The following UBE2E2 variants were observed in gnomAD, a reference collection of about 807,000 sequenced individuals.
UBE2E2 encodes ubiquitin-conjugating enzyme E2 E2.
UBE2E2 carries 6 observed loss-of-function variants against 24.7 expected under a neutral mutation model. That is an observed-to-expected ratio of 0.24 (90% CI 0.13 to 0.48). The LOEUF (loss-of-function observed/expected upper bound fraction) is 0.48. UBE2E2 is among the 20% of genes least tolerant of loss of function. The pLI is 0.99. For missense variants in UBE2E2, 169 were observed against 245.0 expected, an observed-to-expected ratio of 0.69 and a Z score of 2.07; for synonymous variants, 104 against 83.6, an observed-to-expected ratio of 1.24 and a Z score of -1.33.
At chr3:23,587,152 G>T (rs1696644582) in intron 5 of UBE2E2, among the ~76,000 whole-genome samples, 1 of 152,162 alleles carries the variant, frequency 6.6e-6, no homozygotes, top group Non-Finnish European at 1.5e-5. Flanking sequence ...AACCTTGAAA[G>T]CAATTAAATG....
chr3:23,579,111 G>A (rs1303581595), intron 5 of UBE2E2, among the ~76,000 whole-genome samples: 1 of 152,132 alleles, frequency 6.6e-6, no homozygotes, highest in African/African-American at 2.4e-5. Flanking sequence ...AAGAAAACTA[G>A]GCAGGGCGTG....
chr3:23,238,957 A>G (rs1697186874), intron 3 of UBE2E2, among the ~76,000 whole-genome samples: 1 of 152,200 alleles, frequency 6.6e-6, no homozygotes, highest in South Asian at 2.1e-4. Context: ...GAGAAAGAAG[A>G]TAGTTTTCTA....
intron 3 of UBE2E2, among the ~76,000 whole-genome samples, chr3:23,277,708 A>G (rs1198062279): frequency 6.6e-6 from 1 of 152,096 alleles, no homozygotes; most frequent in Non-Finnish European, 1.5e-5. Context: ...TTCAGTCACT[A>G]AATGTTTAGT....
At chr3:23,490,443 T>C (rs1243013169) in intron 3 of UBE2E2, among the ~76,000 whole-genome samples, 1 of 152,242 alleles carries the variant, frequency 6.6e-6, no homozygotes, top group Non-Finnish European at 1.5e-5. Flanking sequence ...TTCCCTGTAG[T>C]CTTTCTTCCT....
At chr3:23,316,367 C>T (rs923836589) in intron 3 of UBE2E2, among the ~76,000 whole-genome samples, 1 of 151,954 alleles carries the variant, frequency 6.6e-6, no homozygotes, top group African/African-American at 2.4e-5. Context: ...TTACCCCAGG[C>T]AGAGGAGTCT....
intron 1 of UBE2E2, chr3:23,204,723 T>C (rs1265912636): frequency 1.0e-6 from 1 of 985,340 alleles, no homozygotes; most frequent in Non-Finnish European, 1.2e-6. Flanking sequence ...CCACTGTTAT[T>C]TTCTGCATAA....
intron 3 of UBE2E2, among the ~76,000 whole-genome samples, chr3:23,362,865 A>G (rs1051757875): frequency 9.8e-5 from 15 of 152,316 alleles, no homozygotes; most frequent in African/African-American, 3.6e-4. Context: ...GGTGCAGCCT[A>G]CTGTTGCTTG....
intron 3 of UBE2E2, among the ~76,000 whole-genome samples, chr3:23,341,076 T>C (rs1278198226): frequency 6.6e-6 from 1 of 152,212 alleles, no homozygotes; most frequent in Non-Finnish European, 1.5e-5. Flanking sequence ...AAGAAGTTTA[T>C]GCTCACAGAA....
intron 3 of UBE2E2, among the ~76,000 whole-genome samples, chr3:23,371,995 G>A (rs987746482): frequency 2.6e-5 from 4 of 152,142 alleles, no homozygotes; most frequent in African/African-American, 9.6e-5. Context: ...GTGGACACCT[G>A]TAATCCCAGC....
chr3:23,365,628 G>A (rs1472648602), intron 3 of UBE2E2, among the ~76,000 whole-genome samples: 1 of 152,066 alleles, frequency 6.6e-6, no homozygotes, highest in East Asian at 1.9e-4. Flanking sequence ...GACACAAATG[G>A]AAGAACATTC....
At chr3:23,212,514 A>G (rs1559440675) in intron 2 of UBE2E2, among the ~76,000 whole-genome samples, 1 of 152,106 alleles carries the variant, frequency 6.6e-6, no homozygotes, top group Non-Finnish European at 1.5e-5. Flanking sequence ...TGTGAATTTT[A>G]TATCATATTT....
intron 3 of UBE2E2, among the ~76,000 whole-genome samples, chr3:23,320,271 C>T (rs1694706986): frequency 1.3e-5 from 2 of 152,308 alleles, no homozygotes; most frequent in South Asian, 4.1e-4. Flanking sequence ...TTATTATCTC[C>T]AACTGGATGT....
At chr3:23,370,084 T>C (rs1575590540) in intron 3 of UBE2E2, among the ~76,000 whole-genome samples, 1 of 152,352 alleles carries the variant, frequency 6.6e-6, no homozygotes, top group African/African-American at 2.4e-5. Flanking sequence ...CAGAACATGT[T>C]TCTGCTCTGT....
chr3:23,205,795 C>T (rs1696129918), intron 1 of UBE2E2, among the ~76,000 whole-genome samples: 1 of 152,110 alleles, frequency 6.6e-6, no homozygotes, highest in Non-Finnish European at 1.5e-5. Flanking sequence ...TCTGGTGAGA[C>T]TAATTTTTAT....
At chr3:23,396,696 ATAATAATAG>A (rs1404257312) in intron 3 of UBE2E2, among the ~76,000 whole-genome samples, 2 of 152,062 alleles carry the variant, frequency 1.3e-5, no homozygotes, top group Non-Finnish European at 2.9e-5. Context: ...TAAAATGGAG[ATAATAATAG>A]TAACTTCTTC....
chr3:23,466,458 G>A (rs1698920680), intron 3 of UBE2E2, among the ~76,000 whole-genome samples: 1 of 152,162 alleles, frequency 6.6e-6, no homozygotes, highest in South Asian at 2.1e-4. Context: ...GTTATAGTGA[G>A]CTTATTAGGG....
chr3:23,242,459 G>A (rs1405502941), intron 3 of UBE2E2, among the ~76,000 whole-genome samples: 1 of 139,336 alleles, frequency 7.2e-6, no homozygotes, highest in East Asian at 2.1e-4. Flanking sequence ...AAGACTATTT[G>A]TTAAATTTAT....
chr3:23,374,395 GAATA>G (rs369565350), intron 3 of UBE2E2, among the ~76,000 whole-genome samples: 5 of 152,198 alleles, frequency 3.3e-5, no homozygotes, highest in Admixed American at 6.5e-5. Flanking sequence ...GTATAAAATT[GAATA>G]AATAAAACAA....
At chr3:23,264,048 A>G (rs555554248) in intron 3 of UBE2E2, among the ~76,000 whole-genome samples, 11 of 152,174 alleles carry the variant, frequency 7.2e-5, no homozygotes, top group South Asian at 4.1e-4. Context: ...ATGATCTTAC[A>G]TAATTCTTAC....
Sources: allele counts gnomAD v4.1 joint callset (sites outside exome capture counted in the v4.1 genomes callset), GRCh38; gene constraint gnomAD v4.1.1; transcripts MANE v1.5; gene names NCBI Gene and HGNC (gene_info 2026-07-23, HGNC 2026-07-21).